MBTPS1: variants seen among roughly 807,000 people sequenced by gnomAD.
MBTPS1 encodes membrane bound transcription factor peptidase, site 1, also known as membrane-bound transcription factor site-1 protease.
Under a neutral mutation model 127.8 loss-of-function variants are expected in MBTPS1, and 94 were observed. The ratio of observed to expected loss-of-function variants is 0.74; its 90% CI spans 0.62 to 0.87. MBTPS1 has a LOEUF of 0.87. Among genes scored for constraint, MBTPS1 ranks in the 40% least tolerant of loss-of-function variants. The probability of loss-of-function intolerance (pLI) is 0.00; values close to 1 mark genes in which losing one functional copy is unlikely to be tolerated. For missense variants in MBTPS1, 1,636 were observed against 1,353.2 expected, an observed-to-expected ratio of 1.21 and a Z score of -3.28; for synonymous variants, 632 against 509.4, an observed-to-expected ratio of 1.24 and a Z score of -3.24.
At chr16:84,099,361 A>G (rs1567500718) in intron 2 of MBTPS1, 51 bp from the exon 3 acceptor site, 1 of 1,554,850 alleles carries the variant, frequency 6.4e-7, no homozygotes, top group Non-Finnish European at 8.8e-7. Flanking sequence ...ATACATTATA[A>G]CATATACTAT....
intron 1 of MBTPS1, among the ~76,000 whole-genome samples, chr16:84,108,127 G>A (rs1238212849): frequency 6.6e-6 from 1 of 151,936 alleles, no homozygotes; most frequent in Non-Finnish European, 1.5e-5. Flanking sequence ...GTCCCTCCTG[G>A]TTCTCACTAT....
At chr16:84,074,950 G>A in intron 11 of MBTPS1, 1 of 415,132 alleles carries the variant, frequency 2.4e-6, no homozygotes, top group Non-Finnish European at 4.3e-6. Context: ...TACAGACAGT[G>A]TGATGTGCAG....
At chr16:84,084,381 C>G (rs1373957098) in intron 10 of MBTPS1, among the ~76,000 whole-genome samples, 1 of 152,214 alleles carries the variant, frequency 6.6e-6, no homozygotes, top group Admixed American at 6.5e-5. Flanking sequence ...CCTGGTGGCT[C>G]TGACATCCTT....
At position 84,068,324 on chromosome 16, in the gene MBTPS1, A is replaced by C; in HGVS notation, c.2071+15T>G. On this transcript the variant is annotated intron_variant, in intron 15 of 22. Transcript: ENST00000343411. ...GGCGGAAAGACCATCTGGCTAGCACAGCAGTGCCACTTACCATACTGACTG... is the reference window on the plus strand; with the variant it reads ...GGCGGAAAGACCATCTGGCTAGCACCGCAGTGCCACTTACCATACTGACTG... 1 of 1,522,210 alleles carries C rather than the reference A, an allele frequency of 6.6e-7. No individual in the cohort carries two copies. The highest frequency in any genetic ancestry group is 1.1e-5 in the South Asian group (1 of 89,166). The allele number at this position is 1,522,210 out of a possible 1,614,324, so 94.3% of individuals were successfully genotyped here. A position where few individuals can be genotyped will look rare whatever the true frequency, so the allele number is the denominator to read the frequency against.
intron 20 of MBTPS1, chr16:84,060,330 G>C (rs1597302394): frequency 1.1e-5 from 2 of 189,506 alleles, no homozygotes; most frequent in Non-Finnish European, 2.2e-5. Flanking sequence ...TGCTGCATGG[G>C]ACCTGGCAAG....
At chr16:84,104,049 CT>C (rs1379002751) in intron 1 of MBTPS1, among the ~76,000 whole-genome samples, 1 of 152,172 alleles carries the variant, frequency 6.6e-6, no homozygotes, top group African/African-American at 2.4e-5. Flanking sequence ...TTTCTTTATG[CT>C]TGATACATCC....
At position 84,054,336 on chromosome 16, in the gene MBTPS1, C is replaced by T. The variant is rs1023121090; in HGVS notation, c.*113G>A. 27 of 962,548 alleles carry T rather than the reference C, an allele frequency of 2.8e-5. No individual in the cohort carries two copies. In the African/African-American group the frequency reaches 3.7e-4, roughly 13 times the overall value. 59.6% of individuals were successfully genotyped at this position (962,548 alleles called of 1,614,324 possible). ...CCCATGTAGAACAGACTCTAACAAACCTGCAGCTGGAAACTGGATCCCTTT... is the reference window on the plus strand; with the variant it reads ...CCCATGTAGAACAGACTCTAACAAATCTGCAGCTGGAAACTGGATCCCTTT... On this transcript the variant is annotated 3_prime_UTR_variant, in exon 23 of 23. Coordinates refer to ENST00000343411, the MANE Select transcript of MBTPS1 (RefSeq NM_003791.4).
At chr16:84,098,653 C>A (rs541986332) in intron 3 of MBTPS1, among the ~76,000 whole-genome samples, 2 of 152,122 alleles carry the variant, frequency 1.3e-5, no homozygotes, top group South Asian at 4.2e-4. Context: ...AAAACACACA[C>A]TGAGAGAAGC....
At chr16:84,101,059 G>A (rs2086247446) in intron 2 of MBTPS1, among the ~76,000 whole-genome samples, 1 of 150,874 alleles carries the variant, frequency 6.6e-6, no homozygotes, top group African/African-American at 2.4e-5. Flanking sequence ...CCAACACTCT[G>A]GGAGGCCAAG....
At chr16:84,062,872 G>A (rs543568841) in intron 19 of MBTPS1, among the ~76,000 whole-genome samples, 2 of 152,308 alleles carry the variant, frequency 1.3e-5, no homozygotes, top group South Asian at 2.1e-4. Flanking sequence ...GGTCTGGAAG[G>A]ACAGCCAAGA....
intron 9 of MBTPS1, chr16:84,086,247 T>C (rs1249927817): frequency 6.6e-6 from 1 of 152,218 alleles, no homozygotes; most frequent in Non-Finnish European, 1.5e-5. Context: ...TGACATCTCA[T>C]CACGGTTTGG....
chr16:84,114,108 G>A (rs560406081), intron 1 of MBTPS1, among the ~76,000 whole-genome samples: 3 of 149,576 alleles, frequency 2.0e-5, no homozygotes, highest in African/African-American at 4.9e-5. Flanking sequence ...GGGACTACAG[G>A]CGCATGCCAC....
chr16:84,114,267 G>C (rs2086439213), intron 1 of MBTPS1, among the ~76,000 whole-genome samples: 1 of 152,028 alleles, frequency 6.6e-6, no homozygotes, highest in South Asian at 2.1e-4. Context: ...GGTCGACAAA[G>C]GTGTATTCGG....
chr16:84,060,450 G>A lies in MBTPS1; in HGVS notation c.2704+232C>T, dbSNP rs147313299. On this transcript the variant is annotated intron_variant, in intron 20 of 22. Coordinates refer to ENST00000343411, the MANE Select transcript of MBTPS1 (RefSeq NM_003791.4). ...GAGTGGCGTGAGGGTCGGGGTGCAC[G>A]TGGGAAAGCAGCTGCACACTGGGTC... 210 of 474,952 alleles carry A rather than the reference G, an allele frequency of 4.4e-4. 2 individuals are homozygous for A. Among genetic ancestry groups the A allele is most frequent in the African/African-American group, 3.2e-3 (165 of 51,554 alleles). 29.4% of individuals were successfully genotyped at this position (474,952 alleles called of 1,614,324 possible).
At position 84,093,809 on chromosome 16, in the gene MBTPS1, C is replaced by A; in HGVS notation, c.638G>T (p.Arg213Ile). ...WQMGYTGANV[R>I]VAVFDTGLSE... The stretch of plus-strand genomic sequence containing the variant: ...CAGCCCAGTGTCAAAAACAGCAACT[C>A]TTACATTAGCACCTTATTCGGAAAA... Residue 213 changes from arginine (R) to isoleucine (I), a missense_variant, in exon 5 of 23, where the codon AGA becomes ATA. Coordinates refer to ENST00000343411, the MANE Select transcript of MBTPS1 (RefSeq NM_003791.4). The A allele has an allele frequency of 1.9e-6, 3 of 1,606,798 alleles. No homozygotes were observed. Among genetic ancestry groups the A allele is most frequent in the Non-Finnish European group, 2.6e-6 (3 of 1,173,294 alleles).
intron 11 of MBTPS1, among the ~76,000 whole-genome samples, chr16:84,076,154 A>G (rs1012300643): frequency 6.6e-6 from 1 of 152,238 alleles, no homozygotes; most frequent in African/African-American, 2.4e-5. Context: ...TAAACCATAT[A>G]TATTAATAGG....
chr16:84,096,685 A>G (rs373020327), intron 3 of MBTPS1, among the ~76,000 whole-genome samples: 140 of 152,322 alleles, frequency 9.2e-4, no homozygotes, highest in African/African-American at 3.3e-3. Flanking sequence ...ACCAACCTAC[A>G]CCCATGTTAA....
At chr16:84,056,871 C>G (rs528268704) in intron 21 of MBTPS1, 9 of 152,396 alleles carry the variant, frequency 5.9e-5, no homozygotes, top group African/African-American at 1.9e-4. Context: ...ACGCTGGCAA[C>G]AGCAGCACAG....
At chr16:84,112,686 A>G (rs2086415519) in intron 1 of MBTPS1, among the ~76,000 whole-genome samples, 1 of 151,018 alleles carries the variant, frequency 6.6e-6, no homozygotes, top group Admixed American at 6.6e-5. Context: ...AAAACAAAAA[A>G]AGAATACGCC....
Sources: gnomAD v4.1 joint callset for allele counts (sites outside exome capture counted in the v4.1 genomes callset) on GRCh38, gnomAD v4.1.1 for gene constraint, MANE v1.5 for transcripts, NCBI Gene and HGNC (gene_info 2026-07-23, HGNC 2026-07-21) for gene names.